ARL15: variants seen among roughly 807,000 people sequenced by gnomAD.
ARL15 encodes the protein ARF like GTPase 15.
A neutral mutation model predicts 25.2 loss-of-function variants in ARL15; 19 were observed. The observed-to-expected ratio is 0.75, with a 90% CI of 0.53 to 1.10. The LOEUF (loss-of-function observed/expected upper bound fraction) is 1.10. Among genes scored for constraint, ARL15 ranks in the 50% least tolerant of loss-of-function variants. The pLI, the probability that ARL15 is intolerant of heterozygous loss-of-function variation, is 0.00. For synonymous variants in ARL15, 94 were observed against 86.8 expected, an observed-to-expected ratio of 1.08 and a Z score of -0.46; for missense variants, 220 against 246.0, an observed-to-expected ratio of 0.89 and a Z score of 0.71.
At chr5:53,989,366 T>C (rs1036553320) in intron 4 of ARL15, among the ~76,000 whole-genome samples, 1 of 152,212 alleles carries the variant, frequency 6.6e-6, no homozygotes, top group African/African-American at 2.4e-5. Context: ...CTTTAAAGTC[T>C]AGTTATCCGG....
chr5:53,925,069 TA>T (rs3839229), intron 4 of ARL15, among the ~76,000 whole-genome samples: 79,702 of 151,092 alleles, frequency 0.53, 21,796 homozygotes, highest in African/African-American at 0.69. Context: ...TTTTCAACAT[TA>T]AAAAAAAAAT....
intron 1 of ARL15, among the ~76,000 whole-genome samples, chr5:54,283,440 A>AATTCCAAACGT (rs1610936): frequency 0.27 from 40,724 of 152,156 alleles, 6,718 homozygotes; most frequent in African/African-American, 0.47. Context: ...ACTTTCAAAT[A>AATTCCAAACGT]TCAACGGTGC....
At position 54,286,930 on chromosome 5, in the gene ARL15, G is replaced by A. The variant is rs924687638; in HGVS notation, c.48+23502C>T. Among the ~76,000 whole-genome samples, 6 of 150,272 alleles carry A rather than the reference G, an allele frequency of 4.0e-5. 1 individual carries two copies. Among genetic ancestry groups the A allele is most frequent in the African/African-American group, 7.4e-5 (3 of 40,726 alleles). On this transcript the variant is annotated intron_variant, in intron 1 of 4. Coordinates refer to ENST00000504924, the MANE Select transcript of ARL15 (RefSeq NM_019087.3). Reference sequence around the variant, plus strand: ...GTCACTCAGGTTGGAGTGCAGTGGCGCAGTCTTGGCTCACTGCTGCCTGGA... The same window carrying A: ...GTCACTCAGGTTGGAGTGCAGTGGCACAGTCTTGGCTCACTGCTGCCTGGA...
intron 4 of ARL15, among the ~76,000 whole-genome samples, chr5:54,035,102 T>TG (rs1554035592): frequency 3.3e-5 from 5 of 151,432 alleles, no homozygotes; most frequent in Admixed American, 3.3e-4. Context: ...ATAGGTTAAT[T>TG]AAAAAAAAAC....
chr5:54,008,211 A>T (rs1252173436), intron 4 of ARL15, among the ~76,000 whole-genome samples: 1 of 152,190 alleles, frequency 6.6e-6, no homozygotes, highest in African/African-American at 2.4e-5. Flanking sequence ...GTGAGGAGAG[A>T]TGAGTAACCA....
At chr5:54,166,839 T>C (rs1388173945) in intron 2 of ARL15, among the ~76,000 whole-genome samples, 1 of 152,222 alleles carries the variant, frequency 6.6e-6, no homozygotes, top group African/African-American at 2.4e-5. Context: ...GAATCATGAT[T>C]TCTGGCCTCT....
chr5:54,027,521 C>T (rs1481830420), intron 4 of ARL15, among the ~76,000 whole-genome samples: 3 of 152,108 alleles, frequency 2.0e-5, no homozygotes, highest in Non-Finnish European at 4.4e-5. Context: ...TACCAACAAG[C>T]CTAAATATGT....
intron 4 of ARL15, among the ~76,000 whole-genome samples, chr5:54,079,294 A>C (rs1446191546): frequency 1.3e-5 from 2 of 152,198 alleles, no homozygotes; most frequent in Non-Finnish European, 2.9e-5. Flanking sequence ...GTTGAACAGA[A>C]TCAAAATCAC....
chr5:54,117,408 A>ACACAC (rs1561230328), intron 3 of ARL15, among the ~76,000 whole-genome samples: 25 of 86,888 alleles, frequency 2.9e-4, no homozygotes, highest in African/African-American at 9.9e-4. Context: ...CACACACACA[A>ACACAC]ACCCAAAGAG....
intron 4 of ARL15, among the ~76,000 whole-genome samples, chr5:54,041,888 G>A (rs898873580): frequency 6.6e-6 from 1 of 152,044 alleles, no homozygotes. Flanking sequence ...CCAAAGGATT[G>A]TTTGGTAAAA....
At chr5:54,198,975 C>A (rs1045329353) in intron 1 of ARL15, among the ~76,000 whole-genome samples, 1 of 151,698 alleles carries the variant, frequency 6.6e-6, no homozygotes, top group Non-Finnish European at 1.5e-5. Flanking sequence ...CAGAACAGAG[C>A]CCTCAGAAAT....
At chr5:53,907,488 ATTTTT>A (rs869174212) in intron 4 of ARL15, among the ~76,000 whole-genome samples, 16 of 17,998 alleles carry the variant, frequency 8.9e-4, no homozygotes, top group Admixed American at 2.2e-3. Flanking sequence ...ATATATATAT[ATTTTT>A]TTTTTTTTTT....
At chr5:54,020,764 T>C (rs1197668970) in intron 4 of ARL15, among the ~76,000 whole-genome samples, 4 of 149,534 alleles carry the variant, frequency 2.7e-5, no homozygotes, top group Non-Finnish European at 5.9e-5. Context: ...CTGGCCAACA[T>C]GGTGAAACCT....
chr5:53,963,854 C>T (rs1427104691), intron 4 of ARL15, among the ~76,000 whole-genome samples: 2 of 149,290 alleles, frequency 1.3e-5, no homozygotes, highest in Middle Eastern at 3.5e-3. Context: ...CACACATACA[C>T]AGAGTAACTT....
At chr5:53,951,952 G>T (rs980050205) in intron 4 of ARL15, among the ~76,000 whole-genome samples, 2 of 147,714 alleles carry the variant, frequency 1.4e-5, no homozygotes, top group Admixed American at 1.4e-4. Flanking sequence ...AATCTGTGCT[G>T]TGATTTTGGA....
chr5:54,263,575 C>G (rs1757551589), intron 1 of ARL15, among the ~76,000 whole-genome samples: 1 of 152,120 alleles, frequency 6.6e-6, no homozygotes, highest in Non-Finnish European at 1.5e-5. Flanking sequence ...AGAAAGGAAA[C>G]AGGAAACTGG....
chr5:54,077,668 T>C (rs138872311), intron 4 of ARL15, among the ~76,000 whole-genome samples: 36 of 152,314 alleles, frequency 2.4e-4, no homozygotes, highest in African/African-American at 8.2e-4. Context: ...ATCTGGAGTG[T>C]GTACAACAAC....
chr5:54,050,358 A>G (rs538711168), intron 4 of ARL15, among the ~76,000 whole-genome samples: 1 of 152,342 alleles, frequency 6.6e-6, no homozygotes, highest in African/African-American at 2.4e-5. Context: ...CACCCCATTG[A>G]GCAAAAACTT....
At chr5:54,239,231 A>ATTT (rs57640006) in intron 1 of ARL15, among the ~76,000 whole-genome samples, 7 of 148,712 alleles carry the variant, frequency 4.7e-5, no homozygotes, top group African/African-American at 1.7e-4. Flanking sequence ...TATGAATGCC[A>ATTT]TTTTTTTTTT....
Sources: gnomAD v4.1 joint callset for allele counts (sites outside exome capture counted in the v4.1 genomes callset) on GRCh38, gnomAD v4.1.1 for gene constraint, MANE v1.5 for transcripts, NCBI Gene and HGNC (gene_info 2026-07-23, HGNC 2026-07-21) for gene names.